Variants in XCR1 observed in about 807,000 individuals in gnomAD.
XCR1 encodes the protein X-C motif chemokine receptor 1.
For synonymous variants in XCR1, 187 were observed against 188.5 expected, an observed-to-expected ratio of 0.99 and a Z score of 0.06; for missense variants, 356 against 424.2, an observed-to-expected ratio of 0.84 and a Z score of 1.41.
intron 5 of XCR1, among the ~76,000 whole-genome samples, chr3:46,033,162 A>G (rs1458950744): frequency 1.3e-5 from 2 of 152,170 alleles, no homozygotes; most frequent in African/African-American, 4.8e-5. Context: ...TTTCTTTCAC[A>G]GTATTGTATC....
At chr3:46,070,084 T>G (rs1354604274) in intron 3 of XCR1, among the ~76,000 whole-genome samples, 2 of 152,122 alleles carry the variant, frequency 1.3e-5, no homozygotes, top group East Asian at 3.8e-4. Flanking sequence ...TTTCATGTAT[T>G]TTTATAGTTT....
intron 4 of XCR1, among the ~76,000 whole-genome samples, chr3:46,054,090 C>T (rs922439374): frequency 2.6e-5 from 4 of 152,054 alleles, no homozygotes; most frequent in South Asian, 2.1e-4. Context: ...GGGGGGCAAA[C>T]GCGGGAATAA....
At chr3:46,066,426 G>A (rs1200789753) in intron 4 of XCR1, among the ~76,000 whole-genome samples, 1 of 152,144 alleles carries the variant, frequency 6.6e-6, no homozygotes. Context: ...TATATTTTTA[G>A]TAGAGACGGG....
Position 46,073,595 on chromosome 3 carries a change from CA to C in XCR1, c.-263+1055del, listed in dbSNP as rs371005857. On this transcript the variant is annotated intron_variant, in intron 3 of 5. Coordinates refer to the XCR1 transcript ENST00000683768. The stretch of plus-strand genomic sequence containing the variant: ...CAGAGTGAGATTCTTAAACAAAAAA[CA>C]AAAAACAAAAACAACAGAAATAAAC... Among the ~76,000 whole-genome samples the C allele has an allele frequency of 6.4e-3, 965 of 151,944 alleles. 8 individuals are homozygous for C. The highest frequency in any genetic ancestry group is 0.018 in the African/African-American group (733 of 41,450).
chr3:46,073,061 T>C (rs141351655), intron 3 of XCR1, among the ~76,000 whole-genome samples: 30 of 152,188 alleles, frequency 2.0e-4, no homozygotes, highest in African/African-American at 7.2e-4. Context: ...AAAAATTGAA[T>C]TGCGATATGC....
intron 1 of XCR1, among the ~76,000 whole-genome samples, chr3:46,023,128 T>C (rs1575407843): frequency 6.6e-6 from 1 of 151,962 alleles, no homozygotes; most frequent in African/African-American, 2.4e-5. Context: ...CCGTGCGGGG[T>C]CGCGGCGGCG....
chr3:46,076,577 GAA>G (rs3053293), intron 2 of XCR1, among the ~76,000 whole-genome samples: 35,978 of 135,710 alleles, frequency 0.27, 4,531 homozygotes, highest in Middle Eastern at 0.35. Flanking sequence ...CCATTATTTT[GAA>G]AAAAAAAAAA....
intron 5 of XCR1, among the ~76,000 whole-genome samples, chr3:46,038,032 T>TTTTTG (rs199538350): frequency 0.095 from 13,256 of 139,462 alleles, 947 homozygotes; most frequent in South Asian, 0.34. Flanking sequence ...TGTTTTTTGT[T>TTTTTG]TTTTTTTTTT....
At chr3:46,078,731 TGAGAGTGAG>T (rs1386986621) in intron 1 of XCR1, among the ~76,000 whole-genome samples, 1 of 152,244 alleles carries the variant, frequency 6.6e-6, no homozygotes, top group Admixed American at 6.5e-5. Context: ...GAAAAGTGCA[TGAGAGTGAG>T]TTCTCTTGCT....
chr3:46,019,893 T>G lies in XCR1; in HGVS notation c.*1053A>C, dbSNP rs1299914890. On this transcript the variant is annotated 3_prime_UTR_variant, in exon 2 of 2. Coordinates refer to ENST00000309285, the MANE Select transcript of XCR1 (RefSeq NM_001024644.2). ...TGTTTCAGGGATGAAACCATGGGCATGCAATGGCAAGAATGAGTCAACTCT... is the reference window on the plus strand; with the variant it reads ...TGTTTCAGGGATGAAACCATGGGCAGGCAATGGCAAGAATGAGTCAACTCT... The G allele has an allele frequency of 6.6e-6, 1 of 152,222 alleles. No homozygotes were observed. The highest frequency in any genetic ancestry group is 2.4e-5 in the African/African-American group (1 of 41,416). The allele number at this position is 152,222 out of a possible 1,614,324, so 9.4% of individuals were successfully genotyped here.
At chr3:46,069,251 T>A (rs956045407) in intron 3 of XCR1, among the ~76,000 whole-genome samples, 33 of 150,028 alleles carry the variant, frequency 2.2e-4, no homozygotes, top group African/African-American at 8.1e-4. Flanking sequence ...AGGAAAAAAA[T>A]AAGGAGCAAA....
intron 5 of XCR1, among the ~76,000 whole-genome samples, chr3:46,052,659 C>T (rs1343980471): frequency 2.6e-5 from 4 of 152,212 alleles, no homozygotes; most frequent in African/African-American, 9.7e-5. Flanking sequence ...CAATGAAGTT[C>T]AGTTCTTACA....
intron 4 of XCR1, among the ~76,000 whole-genome samples, chr3:46,054,666 G>A (rs1697819398): frequency 6.6e-6 from 1 of 152,114 alleles, no homozygotes; most frequent in Non-Finnish European, 1.5e-5. Context: ...AAGGAAGAAA[G>A]CTTTAATCAG....
At chr3:46,044,878 T>C (rs1287082709) in intron 5 of XCR1, among the ~76,000 whole-genome samples, 1 of 152,186 alleles carries the variant, frequency 6.6e-6, no homozygotes, top group Non-Finnish European at 1.5e-5. Context: ...CCAAAAGGTA[T>C]CCAGCCTGGG....
intron 5 of XCR1, among the ~76,000 whole-genome samples, chr3:46,052,889 A>G (rs759436241): frequency 2.0e-5 from 3 of 152,230 alleles, no homozygotes; most frequent in Admixed American, 6.5e-5. Flanking sequence ...AAAGGATTAT[A>G]CTGGGACTCC....
intron 5 of XCR1, among the ~76,000 whole-genome samples, chr3:46,036,410 A>G (rs1275486201): frequency 6.6e-6 from 1 of 152,238 alleles, no homozygotes; most frequent in Non-Finnish European, 1.5e-5. Context: ...GTATGTGTGC[A>G]TATGCATGTC....
intron 3 of XCR1, among the ~76,000 whole-genome samples, chr3:46,073,722 T>TCAA (rs35319361): frequency 0.49 from 74,846 of 151,296 alleles, 21,865 homozygotes; most frequent in African/African-American, 0.83. Flanking sequence ...TTCAAACAAC[T>TCAA]CAACAACAAC....
intron 5 of XCR1, among the ~76,000 whole-genome samples, chr3:46,047,551 G>C (rs182731841): frequency 5.3e-5 from 8 of 152,328 alleles, no homozygotes; most frequent in Admixed American, 5.2e-4. Flanking sequence ...GTAACATTAA[G>C]ACTGTGTGGC....
At chr3:46,043,177 A>T (rs1697565342) in intron 5 of XCR1, among the ~76,000 whole-genome samples, 1 of 152,216 alleles carries the variant, frequency 6.6e-6, no homozygotes, top group Non-Finnish European at 1.5e-5. Context: ...GTGGTGGCTT[A>T]TGCCTGTAAC....
Sources: allele counts gnomAD v4.1 joint callset (sites outside exome capture counted in the v4.1 genomes callset), GRCh38; gene constraint gnomAD v4.1.1; transcripts MANE v1.5; gene names NCBI Gene and HGNC (gene_info 2026-07-23, HGNC 2026-07-21).